The following ARHGAP22 variants were observed in gnomAD, a reference collection of about 807,000 sequenced individuals.
ARHGAP22 encodes the protein Rho GTPase activating protein 22.
In ARHGAP22, 48 loss-of-function variants were observed where a neutral mutation model predicts 59.1. The observed-to-expected ratio is 0.81, with a 90% CI of 0.64 to 1.03. The LOEUF is 1.03. Among genes scored for constraint, ARHGAP22 ranks in the 50% least tolerant of loss-of-function variants. The pLI is 0.00. For missense variants in ARHGAP22, 1,015 were observed against 958.7 expected, an observed-to-expected ratio of 1.06 and a Z score of -0.78; for synonymous variants, 445 against 416.4, an observed-to-expected ratio of 1.07 and a Z score of -0.84.
At chr10:48,502,766 A>T (rs1011383125) in intron 3 of ARHGAP22, among the ~76,000 whole-genome samples, 1 of 152,186 alleles carries the variant, frequency 6.6e-6, no homozygotes, top group African/African-American at 2.4e-5. Flanking sequence ...TTCCTCCCAT[A>T]AATATTTATT....
chr10:48,562,536 A>G (rs2057755882), intron 2 of ARHGAP22, among the ~76,000 whole-genome samples: 1 of 152,248 alleles, frequency 6.6e-6, no homozygotes, highest in East Asian at 1.9e-4. Context: ...GAAGACAGAC[A>G]ACAAGCCAGA....
rs2045870848 is a variant in ARHGAP22, at chr10:48,450,916, A to G, written c.1213T>C (p.Ser405Pro). 6.3e-7 allele frequency: 1 copy of G among 1,597,700 alleles called. No individual in the cohort carries two copies. Among genetic ancestry groups the G allele is most frequent in the African/African-American group, 1.3e-5 (1 of 74,576 alleles). Residue 405 changes from serine (S) to proline (P), a missense_variant, in exon 9 of 10, where the codon TCC (serine) becomes CCC (proline). By Grantham distance (74) the Ser-to-Pro change is moderately conservative. Coordinates refer to ENST00000249601, the MANE Select transcript of ARHGAP22 (RefSeq NM_021226.4). ...SLDGAAVAVL[S>P]RTAPTGPGSR... ...CCCGGCCCCGTGGGGGCTGTTCTGG[A>G]GAGCACCGCCACGGCCGCCCCGTCC... is the stretch of plus-strand genomic sequence containing the variant.
intron 1 of ARHGAP22, among the ~76,000 whole-genome samples, chr10:48,588,512 A>G (rs2059562885): frequency 6.6e-6 from 1 of 152,184 alleles, no homozygotes; most frequent in South Asian, 2.1e-4. Context: ...CCAGGCCTCA[A>G]GTCAAACAGC....
chr10:48,476,342 G>A (rs1343801614), intron 4 of ARHGAP22, among the ~76,000 whole-genome samples: 1 of 152,230 alleles, frequency 6.6e-6, no homozygotes, highest in Non-Finnish European at 1.5e-5. Context: ...TGGCTGGGCT[G>A]TCCCATCTGC....
At chr10:48,597,188 T>C (rs1422739638) in intron 1 of ARHGAP22, among the ~76,000 whole-genome samples, 1 of 152,114 alleles carries the variant, frequency 6.6e-6, no homozygotes, top group Non-Finnish European at 1.5e-5. Flanking sequence ...TGTCTGCGAA[T>C]GTGAGGCAGG....
chr10:48,476,228 C>T (rs115700875), intron 4 of ARHGAP22, among the ~76,000 whole-genome samples: 3 of 152,186 alleles, frequency 2.0e-5, no homozygotes, highest in Non-Finnish European at 4.4e-5. Context: ...CAGATGAATT[C>T]CCAAATGAGA....
downstream of ARHGAP22, among the ~76,000 whole-genome samples, chr10:48,443,223 T>C (rs1201232627): frequency 6.6e-6 from 1 of 152,114 alleles, no homozygotes; most frequent in East Asian, 1.9e-4. Context: ...GCTCAAGAGT[T>C]CCCATCTTTC....
At chr10:48,430,118 G>A in the ARHGAP22 span, 1 of 152,208 alleles carries the variant, frequency 6.6e-6, no homozygotes, top group Non-Finnish European at 1.5e-5. Context: ...TGTTGAGATG[G>A]AGCCTTGCTC....
upstream of ARHGAP22, among the ~76,000 whole-genome samples, chr10:48,610,000 C>A (rs565725216): frequency 5.6e-4 from 86 of 152,242 alleles, no homozygotes; most frequent in Non-Finnish European, 8.7e-4. Flanking sequence ...GGTCTTCCTG[C>A]CATTGGGCAC....
intron 1 of ARHGAP22, chr10:48,652,173 C>T: frequency 6.8e-7 from 1 of 1,478,752 alleles, no homozygotes; most frequent in Non-Finnish European, 9.1e-7. Flanking sequence ...CCCCATCCCT[C>T]AAGCAAGAAG....
chr10:48,479,637 T>C lies in ARHGAP22; in HGVS notation c.450A>G (p.Gly150=). The C allele has an allele frequency of 6.2e-7, 1 of 1,613,788 alleles. No homozygotes were observed. Among genetic ancestry groups the C allele is most frequent in the Non-Finnish European group, 8.5e-7 (1 of 1,179,950 alleles). ...GGGCATGCGATCTACGGGCAGTACC[T>C]CCGCCCAGCGGGGCCCAGATGACTC... ...IRRVIWAPLG[G]GIFGQRLEET... The change falls in exon 4 of 10, where the codon GGA becomes GGG. Residue 150 remains glycine (G), a splice_region_variant and synonymous_variant. Coordinates refer to ENST00000249601, the MANE Select transcript of ARHGAP22 (RefSeq NM_021226.4).
At chr10:48,581,746 CTT>C (rs2059134519) in intron 2 of ARHGAP22, among the ~76,000 whole-genome samples, 1 of 152,182 alleles carries the variant, frequency 6.6e-6, no homozygotes, top group African/African-American at 2.4e-5. Context: ...CTGTGAAACA[CTT>C]TTGGTTTTAA....
chr10:48,551,956 A>G (rs974454122), intron 3 of ARHGAP22, among the ~76,000 whole-genome samples: 4 of 152,180 alleles, frequency 2.6e-5, no homozygotes, highest in Non-Finnish European at 5.9e-5. Flanking sequence ...ACTCCTATCT[A>G]GCTGTGCTGG....
At chr10:48,493,930 T>C (rs2050669311) in intron 3 of ARHGAP22, among the ~76,000 whole-genome samples, 1 of 152,234 alleles carries the variant, frequency 6.6e-6, no homozygotes, top group Middle Eastern at 3.2e-3. Context: ...CCACCAGGTA[T>C]TGGAGATTAA....
intron 1 of ARHGAP22, among the ~76,000 whole-genome samples, chr10:48,649,927 A>C (rs2062480447): frequency 6.8e-6 from 1 of 146,684 alleles, no homozygotes; most frequent in Admixed American, 6.7e-5. Flanking sequence ...ATCCTTGAAA[A>C]TGACAGTTAA....
At chr10:48,476,448 T>G (rs1001333648) in intron 4 of ARHGAP22, among the ~76,000 whole-genome samples, 2 of 152,014 alleles carry the variant, frequency 1.3e-5, no homozygotes, top group African/African-American at 4.8e-5. Flanking sequence ...TACAAAACAG[T>G]CAAAAAAGGA....
At chr10:48,470,380 C>T (rs2048120636) in intron 4 of ARHGAP22, among the ~76,000 whole-genome samples, 1 of 152,346 alleles carries the variant, frequency 6.6e-6, no homozygotes, top group South Asian at 2.1e-4. Flanking sequence ...GTAAACAGCT[C>T]TGTGGCTGTC....
At chr10:48,458,140 G>A (rs1179053614) in intron 5 of ARHGAP22, among the ~76,000 whole-genome samples, 1 of 152,152 alleles carries the variant, frequency 6.6e-6, no homozygotes, top group Non-Finnish European at 1.5e-5. Context: ...CAGTATGGGG[G>A]TCACTGCTGA....
At chr10:48,469,190 C>T (rs2047999268) in intron 4 of ARHGAP22, among the ~76,000 whole-genome samples, 1 of 152,242 alleles carries the variant, frequency 6.6e-6, no homozygotes, top group Non-Finnish European at 1.5e-5. Context: ...ACCCAGGAGC[C>T]CCACATGGCT....
Sources: allele counts gnomAD v4.1 joint callset (sites outside exome capture counted in the v4.1 genomes callset), GRCh38; gene constraint gnomAD v4.1.1; transcripts MANE v1.5; gene names NCBI Gene and HGNC (gene_info 2026-07-23, HGNC 2026-07-21).